STK16: variants seen among roughly 807,000 people sequenced by gnomAD.
STK16 encodes serine/threonine kinase 16, also known as serine/threonine-protein kinase 16.
A neutral mutation model predicts 37.8 loss-of-function variants in STK16; 28 were observed. The observed-to-expected ratio is 0.74, with a 90% CI of 0.55 to 1.02. STK16 has a LOEUF of 1.02. Among genes scored for constraint, STK16 ranks in the 50% least tolerant of loss-of-function variants. The pLI is 0.00. For missense variants in STK16, 349 were observed against 390.6 expected, an observed-to-expected ratio of 0.89 and a Z score of 0.90; for synonymous variants, 134 against 155.0, an observed-to-expected ratio of 0.86 and a Z score of 1.01.
At position 219,246,821 on chromosome 2, in the gene STK16, G is replaced by C. The variant is rs748581772; in HGVS notation, c.251G>C (p.Cys84Ser). The change falls in exon 3 of 8, where the codon TGT becomes TCT. Residue 84 changes from cysteine to serine, a missense_variant. Transcript: ENST00000396738. This position sits in a 1 kb window ranked among gnomAD's most constrained non-coding sequence, Gnocchi z 4.5. The stretch of plus-strand genomic sequence containing the variant: ...AACATCCTTCGCCTCGTGGCTTACT[G>C]TCTGAGGGAACGGGGTGCTAAGCAT... ...HPNILRLVAY[C>S]LRERGAKHEA... is the part of the protein sequence containing the mutation. 3 of 1,614,152 alleles carry C rather than the reference G, an allele frequency of 1.9e-6. No individual in the cohort carries two copies. The highest frequency in any genetic ancestry group is 1.7e-5 in the Admixed American group (1 of 60,026).
At position 219,245,726 on chromosome 2, in the gene STK16, A is replaced by T. The variant is rs532690312; in HGVS notation, c.-175A>T. 22 of 267,934 alleles carry T rather than the reference A, an allele frequency of 8.2e-5. No individual in the cohort carries two copies. The highest frequency in any genetic ancestry group is 4.5e-4 in the African/African-American group (20 of 44,762). The allele number at this position is 267,934 out of a possible 1,614,324, so 16.6% of individuals were successfully genotyped here. On this transcript the variant is annotated 5_prime_UTR_variant, in exon 1 of 8. It removes the in-frame stop codon of an upstream open reading frame in the 5' UTR. Transcript: ENST00000396738. Reference sequence around the variant, plus strand: ...GGCCCGGTAGCCGCTGTGTGTCCTGAGGCCGTAAGGCGCCTGACCCCACCC... The same window carrying T: ...GGCCCGGTAGCCGCTGTGTGTCCTGTGGCCGTAAGGCGCCTGACCCCACCC...
In STK16 at chr2:219,249,926, TG is replaced by T; in HGVS notation, c.*1370del. 1 of 171,728 alleles carries T rather than the reference TG, an allele frequency of 5.8e-6. No individual in the cohort carries two copies. The highest frequency in any genetic ancestry group is 1.3e-5 in the Non-Finnish European group (1 of 78,538). The allele number at this position is 171,728 out of a possible 1,614,324, so 10.6% of individuals were successfully genotyped here. A position where few individuals can be genotyped will look rare whatever the true frequency, so the allele number is the denominator to read the frequency against. On this transcript the variant is annotated 3_prime_UTR_variant, in exon 8 of 8. Transcript: ENST00000396738. Reference sequence around the variant, plus strand: ...AACCCTCATAATGCACAGAGGAGCCTGGGCCAAGCCTTGCTTCCAGAGTTGG... The same window carrying T: ...AACCCTCATAATGCACAGAGGAGCCTGGCCAAGCCTTGCTTCCAGAGTTGG...
chr2:219,247,651 C>G lies in STK16; in HGVS notation c.562-11C>G. 1 of 1,612,452 alleles carries G rather than the reference C, an allele frequency of 6.2e-7. No individual in the cohort carries two copies. Among genetic ancestry groups the G allele is most frequent in the Non-Finnish European group, 8.5e-7 (1 of 1,178,738 alleles). ...GTGCCCCACTTTTGAGCTCTGGGAT[C>G]ACTGTTCCAGGACTGGGCAGCCCAG... On this transcript the variant is annotated splice_polypyrimidine_tract_variant and intron_variant, in intron 5 of 7. Transcript: ENST00000396738.
At position 219,248,751 on chromosome 2, in the gene STK16, A is replaced by C; in HGVS notation, c.*192A>C. The C allele has an allele frequency of 9.6e-6, 3 of 313,722 alleles. No homozygotes were observed. Among genetic ancestry groups the C allele is most frequent in the South Asian group, 2.8e-5 (1 of 36,328 alleles). The allele number at this position is 313,722 out of a possible 1,614,324, so 19.4% of individuals were successfully genotyped here. On this transcript the variant is annotated 3_prime_UTR_variant, in exon 8 of 8. Transcript: ENST00000396738. ...GAGCAAAACCTGGGCAAGGGGACTT[A>C]CTGAGTGGGGGTGGGTGGGGGTTGG...
Position 219,248,721 on chromosome 2 carries a change from T to G in STK16, c.*162T>G. The stretch of plus-strand genomic sequence containing the variant: ...GCATCTTTTCTTCTGCTTTCTTCCC[T>G]CCAAGAGCAAAACCTGGGCAAGGGG... On this transcript the variant is annotated 3_prime_UTR_variant, in exon 8 of 8. Transcript: ENST00000396738. 1.9e-6 allele frequency: 1 copy of G among 539,866 alleles called. No homozygotes were observed. 33.4% of individuals were successfully genotyped at this position (539,866 alleles called of 1,614,324 possible).
In STK16 at chr2:219,249,102, A is replaced by G. The variant is rs1324110578; in HGVS notation, c.*543A>G. On this transcript the variant is annotated 3_prime_UTR_variant, in exon 8 of 8. Coordinates refer to ENST00000396738, the MANE Select transcript of STK16 (RefSeq NM_001330213.2). ...CAAAACTTAAAGCTGCTTGGGCTCA[A>G]GCTGGCATCTGCCTGTGTCAAGAAC... 6.6e-6 allele frequency: 1 copy of G among 152,594 alleles called. No individual in the cohort carries two copies. The highest frequency in any genetic ancestry group is 1.9e-4 in the East Asian group (1 of 5,200). The allele number at this position is 152,594 out of a possible 1,614,324, so 9.5% of individuals were successfully genotyped here.
In STK16 at chr2:219,246,505, G is replaced by C. The variant is rs992800390; in HGVS notation, c.87-152G>C. On this transcript the variant is annotated intron_variant, in intron 2 of 7. Transcript: ENST00000396738. The surrounding 1 kb of genome is among the most constrained non-coding windows in gnomAD (Gnocchi z 4.5). Reference sequence around the variant, plus strand: ...ATATCTCTGCTCCTGAGGAGCTCACGGTGTAATATTCTTCAGATTTCTCTT... The same window carrying C: ...ATATCTCTGCTCCTGAGGAGCTCACCGTGTAATATTCTTCAGATTTCTCTT... 1.4e-6 allele frequency: 1 copy of C among 708,006 alleles called. No individual in the cohort carries two copies. Among genetic ancestry groups the C allele is most frequent in the East Asian group, 2.7e-5 (1 of 36,804 alleles). 43.9% of individuals were successfully genotyped at this position (708,006 alleles called of 1,614,324 possible).
At position 219,250,226 on chromosome 2, in the gene STK16, C is replaced by T; in HGVS notation, c.*1667C>T. On this transcript the variant is annotated 3_prime_UTR_variant, in exon 8 of 8. Transcript: ENST00000396738. This position sits in a 1 kb window ranked among gnomAD's most constrained non-coding sequence, Gnocchi z 8.4. ...GGGTCATGAACAGCAAACAGAGCAG[C>T]AGCAGCATGAAGGGGAAGGCAGCAG... 2.2e-6 allele frequency: 3 copies of T among 1,352,066 alleles called. No individual in the cohort carries two copies. Among genetic ancestry groups the T allele is most frequent in the Non-Finnish European group, 1.0e-6 (1 of 982,412 alleles). The allele number at this position is 1,352,066 out of a possible 1,614,324, so 83.8% of individuals were successfully genotyped here.
rs1951612698 is a variant in STK16, at chr2:219,249,713, A to C, written c.*1154A>C. The C allele has an allele frequency of 6.6e-6, 1 of 152,558 alleles. No individual in the cohort carries two copies. The highest frequency in any genetic ancestry group is 1.5e-5 in the Non-Finnish European group (1 of 68,340). The allele number at this position is 152,558 out of a possible 1,614,324, so 9.5% of individuals were successfully genotyped here. A position where few individuals can be genotyped will look rare whatever the true frequency, so the allele number is the denominator to read the frequency against. ...CAGAAAGAAATCACAAACAGAGGGG[A>C]GATGACCTGACTTTTAATGGCACAG... On this transcript the variant is annotated 3_prime_UTR_variant, in exon 8 of 8. Transcript: ENST00000396738.
chr2:219,248,144 A>T, intron 6 of STK16, 49 bp from the exon 7 acceptor site: 1 of 1,608,850 alleles, frequency 6.2e-7, no homozygotes, highest in Admixed American at 1.7e-5. Context: ...AAAGGGAGAG[A>T]TGTCACCTCC....
At position 219,247,696 on chromosome 2, in the gene STK16, G is replaced by A. The variant is rs780078816; in HGVS notation, c.596G>A (p.Arg199Gln). Residue 199 changes from arginine (R) to glutamine (Q), a missense_variant, in exon 6 of 8, where the codon CGA (arginine) becomes CAA (glutamine). By Grantham distance (43) the Arg-to-Gln change is conservative. Coordinates refer to ENST00000396738, the MANE Select transcript of STK16 (RefSeq NM_001330213.2). Reference protein sequence around the residue: ...WAAQRCTISYRAPELFSVQSH... With the variant: ...WAAQRCTISYQAPELFSVQSH... Reference sequence around the variant, plus strand: ...GCCCAGCGGTGCACCATCTCCTACCGAGCCCCAGAGCTCTTCTCTGTGCAG... The same window carrying A: ...GCCCAGCGGTGCACCATCTCCTACCAAGCCCCAGAGCTCTTCTCTGTGCAG... The A allele has an allele frequency of 2.5e-5, 41 of 1,608,712 alleles. No homozygotes were observed. The highest frequency in any genetic ancestry group is 5.1e-5 in the Admixed American group (3 of 59,246).
chr2:219,246,356 A>G lies in STK16; in HGVS notation c.86+271A>G. 1 of 606,922 alleles carries G rather than the reference A, an allele frequency of 1.6e-6. No homozygotes were observed. 37.6% of individuals were successfully genotyped at this position (606,922 alleles called of 1,614,324 possible). Reference sequence around the variant, plus strand: ...GGAGTTGTGAGGATTAAATGAGATAATGTGTATAAAATGTCTCACCCAATG... The same window carrying G: ...GGAGTTGTGAGGATTAAATGAGATAGTGTGTATAAAATGTCTCACCCAATG... On this transcript the variant is annotated intron_variant, in intron 2 of 7. Coordinates refer to ENST00000396738, the MANE Select transcript of STK16 (RefSeq NM_001330213.2). The surrounding 1 kb of genome is among the most constrained non-coding windows in gnomAD (Gnocchi z 4.5).
Position 219,248,195 on chromosome 2 carries a change from C to G in STK16, c.660C>G (p.Ser220=), listed in dbSNP as rs373943605. 2 of 1,613,982 alleles carry G rather than the reference C, an allele frequency of 1.2e-6. No homozygotes were observed. Among genetic ancestry groups the G allele is most frequent in the Non-Finnish European group, 1.7e-6 (2 of 1,180,012 alleles). ...GGGACTAATCAAGTTATGCTCAGTC[C>G]CTAGGCTGCGTGCTATATGCCATGA... ...CVIDERTDVW[S]LGCVLYAMMF... is the part of the protein sequence containing the mutation. The change falls in exon 7 of 8, where the codon TCC becomes TCG. Residue 220 remains serine (S), a splice_region_variant and synonymous_variant. Transcript: ENST00000396738.
intron 5 of STK16, 40 bp downstream of exon 5, chr2:219,247,575 A>T: frequency 6.2e-7 from 1 of 1,614,058 alleles, no homozygotes; most frequent in Non-Finnish European, 8.5e-7. Context: ...CCTGTTCCCC[A>T]TTCCCACCCC....
chr2:219,247,542 G>A lies in STK16; in HGVS notation c.561+7G>A, dbSNP rs368713184. 34 of 1,614,078 alleles carry A rather than the reference G, an allele frequency of 2.1e-5. 1 individual carries two copies. The Middle Eastern group carries it at 4.9e-4, about 23-fold the overall frequency. On this transcript the variant is annotated splice_region_variant and intron_variant, in intron 5 of 7. Coordinates refer to ENST00000396738, the MANE Select transcript of STK16 (RefSeq NM_001330213.2). ...CCAGGCTCTGACCCTGCAGGTAAAA[G>A]AGTCTCCAGGTTCCTTTTCTCACCT...
intron 6 of STK16, 31 bp downstream of exon 6, chr2:219,247,788 G>A: frequency 6.4e-7 from 1 of 1,550,858 alleles, no homozygotes; most frequent in Non-Finnish European, 8.7e-7. Flanking sequence ...TATCTGGGTA[G>A]GGAGGGCTGT....
chr2:219,249,139 A>G lies in STK16; in HGVS notation c.*580A>G, dbSNP rs1219242543. The G allele has an allele frequency of 3.3e-5, 5 of 152,406 alleles. No individual in the cohort carries two copies. The highest frequency in any genetic ancestry group is 7.3e-5 in the Non-Finnish European group (5 of 68,148). 9.4% of individuals were successfully genotyped at this position (152,406 alleles called of 1,614,324 possible). ...CCTGTGTCAAGAACTAGGGCCCCCT[A>G]AAAACACTCAACTAGTTCTTTCCTT... On this transcript the variant is annotated 3_prime_UTR_variant, in exon 8 of 8. Transcript: ENST00000396738.
Position 219,247,737 on chromosome 2 carries a change from G to A in STK16, c.637G>A (p.Asp213Asn), listed in dbSNP as rs933865173. Residue 213 changes from aspartate to asparagine, a missense_variant, in exon 6 of 8, where the codon GAT becomes AAT. Transcript: ENST00000396738. Reference protein sequence around the residue: ...LFSVQSHCVIDERTDVWSLGC... With the variant: ...LFSVQSHCVINERTDVWSLGC... ...CTCTGTGCAGAGTCACTGTGTCATC[G>A]ATGAGCGGACTGATGTCTGGGTGAG... 1.9e-6 allele frequency: 3 copies of A among 1,588,196 alleles called. No homozygotes were observed. Among genetic ancestry groups the A allele is most frequent in the Admixed American group, 1.8e-5 (1 of 54,872 alleles).
rs989128827 is a variant in STK16 at position 219,245,642 on chromosome 2, G to A, written c.-259G>A. On this transcript the variant is annotated 5_prime_UTR_variant, in exon 1 of 8. Coordinates refer to ENST00000396738, the MANE Select transcript of STK16 (RefSeq NM_001330213.2). ...TGAAACTACGCTATGCTCTGCTTTT[G>A]CGGCGCGATGGGCGTGGGAGCGGGG... The A allele has an allele frequency of 1.0e-4, 19 of 184,722 alleles. No homozygotes were observed. The highest frequency in any genetic ancestry group is 4.0e-4 in the African/African-American group (17 of 42,252). 11.4% of individuals were successfully genotyped at this position (184,722 alleles called of 1,614,324 possible).
Sources: allele counts gnomAD v4.1 joint callset, GRCh38; gene constraint gnomAD v4.1.1; non-coding constraint Gnocchi (gnomAD v3.1); transcripts MANE v1.5; gene names NCBI Gene and HGNC (gene_info 2026-07-23, HGNC 2026-07-21).